Variants in PTPRR observed in about 807,000 individuals in gnomAD.
PTPRR encodes the protein protein tyrosine phosphatase receptor type R.
In PTPRR, 38 loss-of-function variants were observed where a neutral mutation model predicts 77.2. The ratio of observed to expected loss-of-function variants is 0.49; its 90% CI spans 0.38 to 0.65. The LOEUF (loss-of-function observed/expected upper bound fraction) is 0.65. Among genes scored for constraint, PTPRR ranks in the 30% least tolerant of loss-of-function variants. The pLI is 0.00. For missense variants in PTPRR, 744 were observed against 799.2 expected, an observed-to-expected ratio of 0.93 and a Z score of 0.83; for synonymous variants, 299 against 283.1, an observed-to-expected ratio of 1.06 and a Z score of -0.57.
chr12:70,761,331 G>T (rs959736020), intron 4 of PTPRR, 140 bp downstream of exon 4: 1 of 744,908 alleles, frequency 1.3e-6, no homozygotes, highest in Non-Finnish European at 2.0e-6. Context: ...AAAGATCAGA[G>T]AATTCTGACA....
chr12:70,737,932 G>A (rs1481163047), intron 6 of PTPRR, among the ~76,000 whole-genome samples: 1 of 152,198 alleles, frequency 6.6e-6, no homozygotes, highest in Non-Finnish European at 1.5e-5. Context: ...AAAGAGATCA[G>A]TGGAGGAATG....
At chr12:70,786,517 A>G (rs1195692909) in intron 2 of PTPRR, among the ~76,000 whole-genome samples, 1 of 152,198 alleles carries the variant, frequency 6.6e-6, no homozygotes, top group African/African-American at 2.4e-5. Flanking sequence ...CTTATATTCA[A>G]TCAATAGGAA....
At chr12:70,699,595 A>C (rs1025567467) in intron 7 of PTPRR, among the ~76,000 whole-genome samples, 1 of 152,166 alleles carries the variant, frequency 6.6e-6, no homozygotes, top group Non-Finnish European at 1.5e-5. Context: ...TACAAGCATG[A>C]GCCACAACAC....
At position 70,866,933 on chromosome 12, in the gene PTPRR, G is replaced by A. The variant is rs1044302966; in HGVS notation, c.357+25746C>T. The stretch of plus-strand genomic sequence containing the variant: ...ATAAACAGAACCAAAGACAAAAACC[G>A]CATGATGATCTCAATAGATGCAGAA... On this transcript the variant is annotated intron_variant, in intron 2 of 13. Coordinates refer to ENST00000283228, the MANE Select transcript of PTPRR (RefSeq NM_002849.4). Among the ~76,000 whole-genome samples, 601 of 151,486 alleles carry A rather than the reference G, an allele frequency of 4.0e-3. 9 individuals are homozygous for A. The highest frequency in any genetic ancestry group is 0.013 in the African/African-American group (556 of 41,252).
intron 8 of PTPRR, among the ~76,000 whole-genome samples, chr12:70,692,036 T>C (rs1888073740): frequency 1.3e-5 from 2 of 152,218 alleles, no homozygotes; most frequent in South Asian, 2.1e-4. Context: ...ATATGACTTA[T>C]AAATTAAGTC....
chr12:70,792,350 A>G (rs1891435862), intron 2 of PTPRR, among the ~76,000 whole-genome samples: 1 of 152,216 alleles, frequency 6.6e-6, no homozygotes, highest in Admixed American at 6.5e-5. Flanking sequence ...TGGCAGAATT[A>G]GGCCTTCTTA....
chr12:70,858,854 G>T (rs927906568), intron 2 of PTPRR, among the ~76,000 whole-genome samples: 3 of 151,890 alleles, frequency 2.0e-5, no homozygotes, highest in African/African-American at 7.3e-5. Context: ...TTATATATTC[G>T]GTTGAGTCCT....
At chr12:70,858,193 T>TC (rs1436076595) in intron 2 of PTPRR, among the ~76,000 whole-genome samples, 2 of 151,800 alleles carry the variant, frequency 1.3e-5, no homozygotes, top group Non-Finnish European at 1.5e-5. Flanking sequence ...CTTTCTTTTT[T>TC]CCCTCTCTCC....
chr12:70,899,671 A>G (rs1469123354), intron 1 of PTPRR, among the ~76,000 whole-genome samples: 1 of 151,418 alleles, frequency 6.6e-6, no homozygotes, highest in Non-Finnish European at 1.5e-5. Context: ...AGGCACCCAT[A>G]CCATTCCTAT....
intron 6 of PTPRR, among the ~76,000 whole-genome samples, chr12:70,744,889 G>A (rs776863150): frequency 7.2e-5 from 11 of 152,076 alleles, no homozygotes; most frequent in Non-Finnish European, 1.3e-4. Flanking sequence ...TTTAAGAAAC[G>A]CCATGGGAAA....
chr12:70,808,933 T>G (rs1478531938), intron 2 of PTPRR, among the ~76,000 whole-genome samples: 1 of 152,208 alleles, frequency 6.6e-6, no homozygotes, highest in African/African-American at 2.4e-5. Flanking sequence ...ATTGCTCTTT[T>G]CCTGTCCTAC....
At chr12:70,869,447 T>C (rs536352546) in intron 2 of PTPRR, among the ~76,000 whole-genome samples, 4 of 152,160 alleles carry the variant, frequency 2.6e-5, no homozygotes, top group Non-Finnish European at 5.9e-5. Context: ...AGTGGGACAC[T>C]ATTATCCATG....
intron 10 of PTPRR, among the ~76,000 whole-genome samples, chr12:70,666,958 TTTTTTTTTTTTTTTTG>T: frequency 1.9e-5 from 2 of 106,308 alleles, no homozygotes; most frequent in Non-Finnish European, 3.8e-5. Context: ...TTTTTTTTTT[TTTTTTTTTTTTTTTTG>T]AGACGGAGTC....
chr12:70,821,810 G>A (rs373483142), intron 2 of PTPRR, among the ~76,000 whole-genome samples: 7 of 151,834 alleles, frequency 4.6e-5, no homozygotes, highest in East Asian at 2.0e-4. Context: ...GACTACAGGC[G>A]CCCGCCACCA....
chr12:70,917,049 C>T (rs535090763), intron 1 of PTPRR, among the ~76,000 whole-genome samples: 4 of 152,248 alleles, frequency 2.6e-5, no homozygotes, highest in Admixed American at 2.6e-4. Flanking sequence ...AAATACAACA[C>T]TATAAATAAT....
At chr12:70,770,471 C>T (rs1470180162) in intron 2 of PTPRR, among the ~76,000 whole-genome samples, 2 of 152,146 alleles carry the variant, frequency 1.3e-5, no homozygotes, top group Non-Finnish European at 2.9e-5. Flanking sequence ...TACCATCTCA[C>T]ACCAGTTAGA....
At chr12:70,841,189 A>AC (rs545536388) in intron 2 of PTPRR, among the ~76,000 whole-genome samples, 250 of 149,688 alleles carry the variant, frequency 1.7e-3, no homozygotes, top group African/African-American at 5.0e-3. Context: ...CTCTACCCTT[A>AC]CCCCCCCAAC....
intron 10 of PTPRR, among the ~76,000 whole-genome samples, chr12:70,665,364 CTTTTTTTTTTTTTTTTT>C (rs72472808): frequency 1.5e-3 from 67 of 44,608 alleles, no homozygotes; most frequent in African/African-American, 3.7e-3. Context: ...AATGCAAATT[CTTTTTTTTTTTTTTTTT>C]TTTTTTTTTT....
intron 8 of PTPRR, among the ~76,000 whole-genome samples, chr12:70,686,770 C>T (rs1887885674): frequency 6.6e-6 from 1 of 152,140 alleles, no homozygotes; most frequent in African/African-American, 2.4e-5. Context: ...GCCAAGTGTT[C>T]AGCTGACCAA....
Sources: allele counts gnomAD v4.1 joint callset (sites outside exome capture counted in the v4.1 genomes callset), GRCh38; gene constraint gnomAD v4.1.1; transcripts MANE v1.5; gene names NCBI Gene and HGNC (gene_info 2026-07-23, HGNC 2026-07-21).